Variants in UST observed in about 807,000 individuals in gnomAD.
The protein encoded by UST is chondroitin sulfate 2-O-sulfotransferase.
UST carries 21 observed loss-of-function variants against 45.6 expected under a neutral mutation model. That is an observed-to-expected ratio of 0.46 (90% CI 0.33 to 0.66). The LOEUF is 0.66. Among genes scored for constraint, UST ranks in the 30% least tolerant of loss-of-function variants. UST has a pLI of 0.02. For synonymous variants in UST, 215 were observed against 200.6 expected (o/e 1.07, Z -0.61); for missense variants, 463 against 512.4 (o/e 0.90, Z 0.93).
At chr6:148,843,538 ACAC>A (rs1777926301) in intron 1 of UST, among the ~76,000 whole-genome samples, 1 of 152,230 alleles carries the variant, frequency 6.6e-6, no homozygotes, top group Non-Finnish European at 1.5e-5. Flanking sequence ...GGTAGAAAAT[ACAC>A]AAGTTGTCTC....
At chr6:148,897,231 G>A (rs1478411183) in intron 2 of UST, among the ~76,000 whole-genome samples, 3 of 151,740 alleles carry the variant, frequency 2.0e-5, no homozygotes, top group Non-Finnish European at 4.4e-5. Context: ...ATAGTGGTAT[G>A]ATCTCGGCTC....
At chr6:148,893,396 C>G (rs1185121421) in intron 2 of UST, among the ~76,000 whole-genome samples, 2 of 152,138 alleles carry the variant, frequency 1.3e-5, no homozygotes, top group Non-Finnish European at 2.9e-5. Flanking sequence ...AAGCTAATTT[C>G]CCTTTAGTAT....
At chr6:148,964,635 A>C in intron 5 of UST, 72 bp downstream of exon 5, 1 of 1,574,130 alleles carries the variant, frequency 6.4e-7, no homozygotes, top group Non-Finnish European at 8.7e-7. Flanking sequence ...GGGAAGGTTC[A>C]CTCTTCCCTT....
At chr6:149,034,750 A>T (rs1019481234) in intron 7 of UST, among the ~76,000 whole-genome samples, 4 of 151,300 alleles carry the variant, frequency 2.6e-5, no homozygotes, top group African/African-American at 9.7e-5. Flanking sequence ...TGGGAGGGAA[A>T]TTTTTTTTGA....
At chr6:149,066,269 G>A (rs1776728742) in intron 7 of UST, 1 of 152,204 alleles carries the variant, frequency 6.6e-6, no homozygotes, top group East Asian at 1.9e-4. Context: ...GTTCAGTCAC[G>A]TACGTAAGCT....
chr6:148,812,513 C>T (rs1777277308), intron 1 of UST, among the ~76,000 whole-genome samples: 1 of 152,178 alleles, frequency 6.6e-6, no homozygotes, highest in Admixed American at 6.5e-5. Context: ...TTAGGTCTCT[C>T]ATGAGGTTGC....
intron 1 of UST, among the ~76,000 whole-genome samples, chr6:148,762,917 A>G (rs1211141832): frequency 2.6e-5 from 4 of 152,180 alleles, no homozygotes; most frequent in Admixed American, 2.6e-4. Flanking sequence ...ATGGACAGTT[A>G]GTTTCATTCC....
At chr6:149,073,764 G>A in intron 7 of UST, 69 bp from the exon 8 acceptor site, 2 of 1,554,314 alleles carry the variant, frequency 1.3e-6, no homozygotes, top group Non-Finnish European at 1.7e-6. Flanking sequence ...AGGTAATGTG[G>A]GTCCTCGCCG....
chr6:149,064,049 C>T (rs1394452316), intron 7 of UST, among the ~76,000 whole-genome samples: 1 of 152,146 alleles, frequency 6.6e-6, no homozygotes, highest in African/African-American at 2.4e-5. Context: ...GTATGAAAGA[C>T]CCAACTCCAT....
intron 1 of UST, among the ~76,000 whole-genome samples, chr6:148,828,805 A>C (rs1173817460): frequency 3.3e-5 from 5 of 152,264 alleles, no homozygotes; most frequent in Non-Finnish European, 7.3e-5. Context: ...TTCAAGTCTT[A>C]ATGAATCATT....
intron 2 of UST, among the ~76,000 whole-genome samples, chr6:148,910,519 C>G (rs1779452014): frequency 6.6e-6 from 1 of 152,176 alleles, no homozygotes; most frequent in South Asian, 2.1e-4. Context: ...CTCCGTCTCT[C>G]TCATACTGCA....
intron 2 of UST, among the ~76,000 whole-genome samples, chr6:148,906,231 G>A (rs761894191): frequency 6.6e-6 from 1 of 150,812 alleles, no homozygotes; most frequent in East Asian, 1.9e-4. Flanking sequence ...TGCTTCTGCC[G>A]TTTCTTTCTT....
Position 148,748,399 on chromosome 6 carries a change from TTGTGTGTGTGTGTGTG to T in UST, c.247+761_247+776del, listed in dbSNP as rs34342100. 9.1e-3 allele frequency among the ~76,000 whole-genome samples: 1,158 copies of T among 127,608 alleles called. 11 individuals are homozygous for T. Among genetic ancestry groups the T allele is most frequent in the Non-Finnish European group, 9.1e-3 (553 of 60,894 alleles). 83.7% of individuals were successfully genotyped at this position (127,608 alleles called of 152,430 possible). On this transcript the variant is annotated intron_variant, in intron 1 of 7. Transcript: ENST00000367463. This position sits in a 1 kb window ranked among gnomAD's most constrained non-coding sequence, Gnocchi z 5.3. ...GTGCGTCTCAAGCTCAAGTCAAAACTTGTGTGTGTGTGTGTGTGTGTGTGTGTGTGTGTGTGTGTGT... is the reference window on the plus strand; with the variant it reads ...GTGCGTCTCAAGCTCAAGTCAAAACTTGTGTGTGTGTGTGTGTGTGTGTGT...
intron 2 of UST, among the ~76,000 whole-genome samples, chr6:148,904,338 G>A (rs138270793): frequency 4.6e-5 from 7 of 152,266 alleles, no homozygotes; most frequent in Admixed American, 4.6e-4. Flanking sequence ...ATTCATGGAT[G>A]ATGAATCCAC....
At position 148,825,045 on chromosome 6, in the gene UST, T is replaced by C. The variant is rs190814158; in HGVS notation, c.248-61941T>C. On this transcript the variant is annotated intron_variant, in intron 1 of 7. Transcript: ENST00000367463. ...TATGGCTGCATAGTATTCCATGGTG[T>C]ATATGTGCCACATTTTCTTAAGTAC... Among the ~76,000 whole-genome samples, 407 of 152,178 alleles carry C rather than the reference T, an allele frequency of 2.7e-3. 1 individual carries two copies. Among genetic ancestry groups the C allele is most frequent in the African/African-American group, 9.3e-3 (387 of 41,518 alleles).
intron 7 of UST, among the ~76,000 whole-genome samples, chr6:149,023,977 A>C (rs1204358999): frequency 6.6e-6 from 1 of 152,258 alleles, no homozygotes; most frequent in Non-Finnish European, 1.5e-5. Flanking sequence ...CTTTCCACCT[A>C]TAAATTAAAG....
chr6:148,770,590 A>G (rs939165321), intron 1 of UST, among the ~76,000 whole-genome samples: 2 of 152,198 alleles, frequency 1.3e-5, no homozygotes, highest in Non-Finnish European at 2.9e-5. Flanking sequence ...TCAACTCTAT[A>G]AACAGAAAGG....
At chr6:148,812,403 G>T (rs1777275932) in intron 1 of UST, among the ~76,000 whole-genome samples, 1 of 152,200 alleles carries the variant, frequency 6.6e-6, no homozygotes, top group South Asian at 2.1e-4. Flanking sequence ...TTATTGCAAT[G>T]TAACAAATTA....
intron 1 of UST, among the ~76,000 whole-genome samples, chr6:148,877,852 G>A (rs1405257209): frequency 7.2e-6 from 1 of 139,006 alleles, no homozygotes; most frequent in Non-Finnish European, 1.5e-5. Context: ...TCGTGTACGA[G>A]TGCGGGGATC....
Sources: allele counts gnomAD v4.1 joint callset (sites outside exome capture counted in the v4.1 genomes callset), GRCh38; gene constraint gnomAD v4.1.1; non-coding constraint Gnocchi (gnomAD v3.1); transcripts MANE v1.5; gene names NCBI Gene and HGNC (gene_info 2026-07-23, HGNC 2026-07-21).